Variants in FBXL2 observed in about 807,000 individuals in gnomAD.
The protein encoded by FBXL2 is F-box/LRR-repeat protein 2.
A neutral mutation model predicts 69.2 loss-of-function variants in FBXL2; 38 were observed. The observed-to-expected ratio is 0.55, with a 90% CI of 0.42 to 0.72. The LOEUF is 0.72. FBXL2 is among the 30% of genes least tolerant of loss of function. The pLI is 0.00. For synonymous variants in FBXL2, 192 were observed against 201.3 expected, an observed-to-expected ratio of 0.95 and a Z score of 0.39; for missense variants, 354 against 520.3, an observed-to-expected ratio of 0.68 and a Z score of 3.11.
At chr3:33,378,048 A>G (rs550889777) in intron 11 of FBXL2, 55 bp from the exon 12 acceptor site, 3 of 1,562,440 alleles carry the variant, frequency 1.9e-6, no homozygotes, top group African/African-American at 1.4e-5. Context: ...GCAAGCCACC[A>G]TTGTTGCTGT....
At chr3:33,354,632 G>GA (rs779792310) in intron 2 of FBXL2, among the ~76,000 whole-genome samples, 18 of 150,694 alleles carry the variant, frequency 1.2e-4, no homozygotes, top group South Asian at 8.4e-4. Flanking sequence ...TGAAAGGCAG[G>GA]AAAAAAAAAC....
At chr3:33,360,929 T>TC in intron 4 of FBXL2, among the ~76,000 whole-genome samples, 1 of 101,682 alleles carries the variant, frequency 9.8e-6, no homozygotes, top group East Asian at 2.5e-4. Context: ...TTTTTTTTTT[T>TC]TTTTTTTTTT....
At chr3:33,333,426 G>T (rs933749326) in intron 2 of FBXL2, among the ~76,000 whole-genome samples, 2 of 152,120 alleles carry the variant, frequency 1.3e-5, no homozygotes, top group Non-Finnish European at 2.9e-5. Context: ...ACATAAAATA[G>T]AACTTAAGAT....
intron 4 of FBXL2, among the ~76,000 whole-genome samples, chr3:33,363,371 A>T (rs1265762782): frequency 6.6e-6 from 1 of 152,216 alleles, no homozygotes; most frequent in Non-Finnish European, 1.5e-5. Flanking sequence ...TGGTGAATTC[A>T]TCATGCTTAC....
chr3:33,326,630 A>AAT (rs1473286750), intron 2 of FBXL2, among the ~76,000 whole-genome samples: 1 of 152,220 alleles, frequency 6.6e-6, no homozygotes. Context: ...AGAACACATC[A>AAT]ATATCTTTGA....
intron 1 of FBXL2, among the ~76,000 whole-genome samples, chr3:33,284,589 C>A (rs1575587437): frequency 6.6e-6 from 1 of 152,264 alleles, no homozygotes; most frequent in Non-Finnish European, 1.5e-5. Context: ...GAGTTCAATT[C>A]CTGGATATCC....
chr3:33,338,501 G>A (rs139709019), intron 2 of FBXL2, among the ~76,000 whole-genome samples: 204 of 152,120 alleles, frequency 1.3e-3, no homozygotes, highest in Middle Eastern at 6.8e-3. Flanking sequence ...AAAACTGGAG[G>A]TATCACCCAC....
intron 5 of FBXL2, among the ~76,000 whole-genome samples, chr3:33,372,093 TTTG>T (rs1185504481): frequency 1.3e-5 from 2 of 152,102 alleles, no homozygotes; most frequent in East Asian, 1.9e-4. Flanking sequence ...CTGAATTCTT[TTTG>T]TTGTTGTTGT....
At chr3:33,395,156 ATACT>A (rs1192332362) in intron 12 of FBXL2, among the ~76,000 whole-genome samples, 1 of 152,194 alleles carries the variant, frequency 6.6e-6, no homozygotes, top group Non-Finnish European at 1.5e-5. Flanking sequence ...AAGAATTTGT[ATACT>A]TAATCTCAAA....
the FBXL2 span, chr3:33,409,152 C>A: frequency 4.5e-6 from 6 of 1,323,352 alleles, no homozygotes; most frequent in Non-Finnish European, 6.4e-6. Context: ...CTTCCCCAAC[C>A]CTTTTGTAGC....
intron 14 of FBXL2, among the ~76,000 whole-genome samples, chr3:33,385,243 A>T (rs1301607864): frequency 6.6e-6 from 1 of 152,086 alleles, no homozygotes; most frequent in East Asian, 1.9e-4. Flanking sequence ...GAGAACATTC[A>T]CTTAGTTTGT....
intron 13 of FBXL2, among the ~76,000 whole-genome samples, chr3:33,381,223 C>A (rs1294293251): frequency 6.6e-6 from 1 of 152,160 alleles, no homozygotes; most frequent in African/African-American, 2.4e-5. Flanking sequence ...TTACTGTTAA[C>A]TTCTTGATTT....
At chr3:33,368,876 G>A (rs768563401) in intron 5 of FBXL2, among the ~76,000 whole-genome samples, 4 of 150,790 alleles carry the variant, frequency 2.7e-5, no homozygotes, top group African/African-American at 4.9e-5. Flanking sequence ...GTGAGCCACC[G>A]TGCCCAGCTG....
rs568040351 is a variant in FBXL2 at position 33,285,705 on chromosome 3, CAT to C, written c.3+8192_3+8193del. ...ATCAGACGTAGATTTGGTCTTTTCA[CAT>C]AGTCACATATTTCTTGGAGGCTTTG... On this transcript the variant is annotated intron_variant, in intron 1 of 14. Transcript: ENST00000484457. Among the ~76,000 whole-genome samples the C allele has an allele frequency of 7.5e-3, 1,144 of 152,314 alleles. 9 individuals carry two copies. Among genetic ancestry groups the C allele is most frequent in the South Asian group, 0.018 (87 of 4,826 alleles).
In FBXL2 at chr3:33,376,088, G is replaced by A. The variant is rs371887079; in HGVS notation, c.788+670G>A. ...GGAGAATTGCTTGAACCCGCGAGGC[G>A]GAGGTTGCAGTGAGCCAAGATTGTG... On this transcript the variant is annotated intron_variant, in intron 10 of 14. Transcript: ENST00000484457. Among the ~76,000 whole-genome samples the A allele has an allele frequency of 5.5e-4, 84 of 152,000 alleles. 1 individual carries two copies. The highest frequency in any genetic ancestry group is 1.9e-3 in the African/African-American group (78 of 41,450).
intron 2 of FBXL2, among the ~76,000 whole-genome samples, chr3:33,333,954 T>G (rs1256668625): frequency 6.6e-6 from 1 of 152,162 alleles, no homozygotes; most frequent in African/African-American, 2.4e-5. Flanking sequence ...CTCAAGGGTT[T>G]GGGTATTGAG....
chr3:33,348,240 A>G (rs1018315938), intron 2 of FBXL2, among the ~76,000 whole-genome samples: 2 of 152,080 alleles, frequency 1.3e-5, no homozygotes, highest in Non-Finnish European at 2.9e-5. Flanking sequence ...TCTTCTGCAT[A>G]TGGATATCCA....
Position 33,282,479 on chromosome 3 carries a change from A to G in FBXL2, c.3+4964A>G, listed in dbSNP as rs13074697. Among the ~76,000 whole-genome samples, 11 of 152,080 alleles carry G rather than the reference A, an allele frequency of 7.2e-5. 1 individual carries two copies. The highest frequency in any genetic ancestry group is 5.2e-4 in the Admixed American group (8 of 15,264). On this transcript the variant is annotated intron_variant, in intron 1 of 14. Transcript: ENST00000484457. ...GTAGTATAGTTTGAAGTCAGGTAGC[A>G]TGGTGCCTCCAGCTTTGTTCTTTTG...
intron 2 of FBXL2, among the ~76,000 whole-genome samples, chr3:33,315,767 T>A (rs2037630693): frequency 6.6e-6 from 1 of 152,144 alleles, no homozygotes; most frequent in South Asian, 2.1e-4. Flanking sequence ...TAGGTTACAG[T>A]TTTAATCTGT....
Sources: allele counts gnomAD v4.1 joint callset (sites outside exome capture counted in the v4.1 genomes callset), GRCh38; gene constraint gnomAD v4.1.1; transcripts MANE v1.5; gene names NCBI Gene and HGNC (gene_info 2026-07-23, HGNC 2026-07-21).